GALNT3: variants seen among roughly 807,000 people sequenced by gnomAD.
GALNT3 encodes polypeptide N-acetylgalactosaminyltransferase 3.
In GALNT3, 51 loss-of-function variants were observed where a neutral mutation model predicts 69.8. The observed-to-expected ratio is 0.73, with a 90% CI of 0.58 to 0.92. The LOEUF (loss-of-function observed/expected upper bound fraction) is 0.92, where lower values mean the gene tolerates loss of function less well. Among genes scored for constraint, GALNT3 ranks in the 40% least tolerant of loss-of-function variants. The probability of loss-of-function intolerance (pLI) is 0.00; values close to 1 mark genes in which losing one functional copy is unlikely to be tolerated. For synonymous variants in GALNT3, 265 were observed against 248.5 expected, an observed-to-expected ratio of 1.07 and a Z score of -0.63; for missense variants, 711 against 760.0, an observed-to-expected ratio of 0.94 and a Z score of 0.76.
chr2:165,788,309 A>T (rs2105232409), intron 1 of GALNT3, among the ~76,000 whole-genome samples: 2 of 135,926 alleles, frequency 1.5e-5, no homozygotes, highest in Non-Finnish European at 3.1e-5. Flanking sequence ...AGAGCAAGAC[A>T]TCACCTCAAA....
chr2:165,782,609 C>T (rs1441736728), intron 1 of GALNT3, among the ~76,000 whole-genome samples: 6 of 152,086 alleles, frequency 3.9e-5, no homozygotes, highest in Non-Finnish European at 8.8e-5. Flanking sequence ...TCTGCTGACC[C>T]CCTGGACCCA....
intron 1 of GALNT3, among the ~76,000 whole-genome samples, chr2:165,778,826 G>A (rs1574013649): frequency 6.6e-6 from 1 of 152,188 alleles, no homozygotes; most frequent in African/African-American, 2.4e-5. Context: ...CCCTGCAGGA[G>A]TTTAGTGAAC....
In GALNT3 at chr2:165,782,223, A is replaced by G. The variant is rs543818815; in HGVS notation, c.-108-11415T>C. Among the ~76,000 whole-genome samples the G allele has an allele frequency of 2.4e-4, 37 of 152,240 alleles. No individual in the cohort carries two copies. The East Asian group carries it at 7.0e-3, about 29-fold the overall frequency. ...TATCTTTGAAGAAAGGGGAAATTCT[A>G]AAGCCTTCTACTCAGCTCTCCTATC... On this transcript the variant is annotated intron_variant, in intron 1 of 10. Coordinates refer to ENST00000392701, the MANE Select transcript of GALNT3 (RefSeq NM_004482.4).
At position 165,770,264 on chromosome 2, in the gene GALNT3, G is replaced by C. The variant is rs748820269; in HGVS notation, c.437C>G (p.Ala146Gly). The change falls in exon 2 of 11, where the codon GCT (alanine) becomes GGT (glycine). Residue 146 changes from alanine to glycine, a missense_variant. Coordinates refer to ENST00000392701, the MANE Select transcript of GALNT3 (RefSeq NM_004482.4). ...TGCGAAAGCATTAAAGCAGTGTTTA[G>C]CTTCCCCACGTTCCTTTTCCTTTTG... Reference protein sequence around the residue: ...EEQKEKERGEAKHCFNAFASD... With the variant: ...EEQKEKERGEGKHCFNAFASD... 1.2e-6 allele frequency: 2 copies of C among 1,614,012 alleles called. No individual in the cohort carries two copies. The highest frequency in any genetic ancestry group is 1.7e-6 in the Non-Finnish European group (2 of 1,180,034).
Position 165,759,380 on chromosome 2 carries a change from A to G in GALNT3, c.1029T>C (p.Pro343=). 6.2e-7 allele frequency: 1 copy of G among 1,613,922 alleles called. No individual in the cohort carries two copies. Among genetic ancestry groups the G allele is most frequent in the South Asian group, 1.1e-5 (1 of 91,066 alleles). ...WSLSFGWESL[P]DHEKQRRKDE... ...CTTTCCTTCTTTGCTTCTCATGATC[A>G]GGAAGCGACTCCCAGCCAAATGAAA... is the stretch of plus-strand genomic sequence containing the variant. The change falls in exon 5 of 11, where the codon CCT becomes CCC. Residue 343 remains proline, a synonymous_variant. Coordinates refer to ENST00000392701, the MANE Select transcript of GALNT3 (RefSeq NM_004482.4).
At position 165,758,775 on chromosome 2, in the gene GALNT3, C is replaced by T. The variant is rs1403604010; in HGVS notation, c.1163G>A (p.Gly388Glu). Residue 388 changes from glycine to glutamate, a missense_variant, in exon 6 of 11, where the codon GGA becomes GAA. Transcript: ENST00000392701. Reference protein sequence around the residue: ...GSYDEEMEIWGGENIEMSFRV... With the variant: ...GSYDEEMEIWEGENIEMSFRV... ...GAAAGACATTTCTATATTTTCACCTCCCCAGATTTCCATTTCTTCATCATA... is the reference window on the plus strand; with the variant it reads ...GAAAGACATTTCTATATTTTCACCTTCCCAGATTTCCATTTCTTCATCATA... 1 of 1,598,036 alleles carries T rather than the reference C, an allele frequency of 6.3e-7. No homozygotes were observed.
At chr2:165,757,414 G>A (rs1448415763) in intron 6 of GALNT3, among the ~76,000 whole-genome samples, 167 bp from the exon 7 acceptor site, 3 of 152,166 alleles carry the variant, frequency 2.0e-5, no homozygotes, top group Admixed American at 1.3e-4. Context: ...TTAAGTGTAA[G>A]GAATTATTTT....
chr2:165,769,837 T>C lies in GALNT3; in HGVS notation c.515+349A>G, dbSNP rs142212609. On this transcript the variant is annotated intron_variant, in intron 2 of 10. Transcript: ENST00000392701. ...TACAGAGAAATGGAAACAATTCCTC[T>C]ACCTTCTACTTCCTATACAAATTGT... Among the ~76,000 whole-genome samples the C allele has an allele frequency of 5.3e-5, 8 of 152,328 alleles. No homozygotes were observed. The East Asian group carries it at 1.3e-3, about 26-fold the overall frequency.
intron 3 of GALNT3, among the ~76,000 whole-genome samples, chr2:165,762,969 T>TTTTC (rs1491473141): frequency 8.2e-3 from 2 of 244 alleles, no homozygotes; most frequent in African/African-American, 8.3e-3. Context: ...TTTTCTTTTC[T>TTTTC]TTTTTTTTTT....
intron 2 of GALNT3, among the ~76,000 whole-genome samples, chr2:165,769,411 A>AATAATC (rs1481928656): frequency 7.1e-5 from 5 of 70,516 alleles, no homozygotes; most frequent in Non-Finnish European, 1.5e-4. Flanking sequence ...ATCTCAAAAT[A>AATAATC]ATAATAATAA....
chr2:165,783,637 G>T (rs1434875124), intron 1 of GALNT3, among the ~76,000 whole-genome samples: 1 of 151,990 alleles, frequency 6.6e-6, no homozygotes, highest in African/African-American at 2.4e-5. Flanking sequence ...CAATTCTGTT[G>T]TAGTACAAAA....
chr2:165,787,361 T>C (rs995828430), intron 1 of GALNT3, among the ~76,000 whole-genome samples: 5 of 152,234 alleles, frequency 3.3e-5, no homozygotes, highest in African/African-American at 1.2e-4. Context: ...GTGTGCTATA[T>C]GTTTGATGGG....
Position 165,757,197 on chromosome 2 carries a change from TC to T in GALNT3, c.1241del (p.Gly414AspfsTer18). ...QLEIMPCSVV[G>X]HVFRSKSPHS... is the part of the protein sequence containing the mutation. ...GAGGGCTTTTGCTGCGAAAAACATG[TC>T]CAACAACAGAGCAAGGCATAATCTC... On this transcript the variant is annotated frameshift_variant, in exon 7 of 11. Coordinates refer to ENST00000392701, the MANE Select transcript of GALNT3 (RefSeq NM_004482.4). LOFTEE classifies it high-confidence loss of function. 6 of 1,614,062 alleles carry T rather than the reference TC, an allele frequency of 3.7e-6. No homozygotes were observed. The highest frequency in any genetic ancestry group is 5.1e-6 in the Non-Finnish European group (6 of 1,179,950).
At position 165,748,152 on chromosome 2, in the gene GALNT3, T is replaced by C. The variant is rs963112306; in HGVS notation, c.*629A>G. On this transcript the variant is annotated 3_prime_UTR_variant, in exon 11 of 11. Transcript: ENST00000392701. ...AGACTTAAGTGCTTCAAGTGGAGTG[T>C]ATTACAGACTAAAAAATGTTTTAAA... 5.3e-6 allele frequency: 1 copy of C among 188,392 alleles called. No individual in the cohort carries two copies. Among genetic ancestry groups the C allele is most frequent in the Non-Finnish European group, 1.1e-5 (1 of 89,630 alleles). 11.7% of individuals were successfully genotyped at this position (188,392 alleles called of 1,614,324 possible). A position where few individuals can be genotyped will look rare whatever the true frequency, so the allele number is the denominator to read the frequency against.
chr2:165,759,002 G>A (rs1188306948), intron 5 of GALNT3, 138 bp from the exon 6 acceptor site: 2 of 708,778 alleles, frequency 2.8e-6, no homozygotes, highest in East Asian at 2.6e-5. Context: ...AACTAGAAAT[G>A]CTATCTTCAA....
In GALNT3 at chr2:165,748,867, G is replaced by A; in HGVS notation, c.1816C>T (p.Leu606Phe). ...CTTGGATGCTCTCCATTTGCTGAAA[G>A]GCACATTTTTAAGAATGGATTGTAT... ...LLYNPFLKMC[L>F]SANGEHPSLV... The change falls in exon 11 of 11, where the codon CTT becomes TTT. Residue 606 changes from leucine (L) to phenylalanine (F), a missense_variant. By Grantham distance (22) the Leu-to-Phe change is conservative. Transcript: ENST00000392701. The A allele has an allele frequency of 6.2e-7, 1 of 1,611,112 alleles. No homozygotes were observed. The highest frequency in any genetic ancestry group is 1.1e-5 in the South Asian group (1 of 90,898).
chr2:165,788,272 A>G (rs907845338), intron 1 of GALNT3, among the ~76,000 whole-genome samples: 7 of 146,490 alleles, frequency 4.8e-5, no homozygotes, highest in African/African-American at 1.3e-4. Flanking sequence ...AGCCAAGATC[A>G]CGCCACTGCA....
chr2:165,755,981 C>T (rs1430451833), intron 7 of GALNT3, among the ~76,000 whole-genome samples: 1 of 152,184 alleles, frequency 6.6e-6, no homozygotes, highest in African/African-American at 2.4e-5. Context: ...GCATAAGCTT[C>T]ATTTAGTGCC....
chr2:165,766,455 G>A (rs550183358), intron 2 of GALNT3, among the ~76,000 whole-genome samples: 1 of 152,298 alleles, frequency 6.6e-6, no homozygotes, highest in East Asian at 1.9e-4. Flanking sequence ...GGGTGCAGGA[G>A]AGTCTGCATA....
Sources: gnomAD v4.1 joint callset for allele counts (sites outside exome capture counted in the v4.1 genomes callset) on GRCh38, gnomAD v4.1.1 for gene constraint, MANE v1.5 for transcripts, NCBI Gene and HGNC (gene_info 2026-07-23, HGNC 2026-07-21) for gene names.